WNT8B: variants seen among roughly 807,000 people sequenced by gnomAD.
WNT8B encodes the protein protein Wnt-8b.
A neutral mutation model predicts 36.6 loss-of-function variants in WNT8B; 24 were observed. The observed-to-expected ratio is 0.66, with a 90% CI of 0.48 to 0.92. The LOEUF (loss-of-function observed/expected upper bound fraction) is 0.92. Among genes scored for constraint, WNT8B ranks in the 40% least tolerant of loss-of-function variants. WNT8B has a pLI of 0.00. For missense variants in WNT8B, 402 were observed against 470.8 expected, an observed-to-expected ratio of 0.85 and a Z score of 1.35; for synonymous variants, 199 against 189.8, an observed-to-expected ratio of 1.05 and a Z score of -0.40.
chr10:100,478,848 G>T (rs902790791), intron 1 of WNT8B, among the ~76,000 whole-genome samples: 1 of 152,260 alleles, frequency 6.6e-6, no homozygotes, highest in African/African-American at 2.4e-5. Flanking sequence ...CTCCCAAAGT[G>T]CTGGGAATAC....
intron 4 of WNT8B, 109 bp downstream of exon 4, chr10:100,481,232 C>T (rs550547851): frequency 7.0e-6 from 10 of 1,434,428 alleles, no homozygotes; most frequent in Non-Finnish European, 9.3e-6. Context: ...TGAAGAAAAT[C>T]ATGCGGAAGA....
rs371227816 is a variant in WNT8B, at chr10:100,470,450, CA to C, written c.68+7217del. On this transcript the variant is annotated intron_variant, in intron 1 of 5. Coordinates refer to ENST00000343737, the MANE Select transcript of WNT8B (RefSeq NM_003393.4). The stretch of plus-strand genomic sequence containing the variant: ...CTCACTCTGTTGCCCAGGCTGGTTT[CA>C]AACTCCTGGGCTCAAGCAATCGGCC... 4.3e-4 allele frequency among the ~76,000 whole-genome samples: 65 copies of C among 152,010 alleles called. 2 individuals carry two copies. In the South Asian group the frequency reaches 0.013, roughly 31 times the overall value.
rs1414956638 is a variant in WNT8B, at chr10:100,482,419, T to C, written c.659T>C (p.Leu220Pro). 1 of 1,606,770 alleles carries C rather than the reference T, an allele frequency of 6.2e-7. No individual in the cohort carries two copies. Among genetic ancestry groups the C allele is most frequent in the African/African-American group, 1.3e-5 (1 of 74,944 alleles). ...EKYHAALKVD[L>P]LQGAGNSAAG... ...TACCACGCAGCACTCAAGGTGGACC[T>C]GCTGCAGGGTGCTGGCAACAGCGCG... The change falls in exon 6 of 6, where the codon CTG (leucine) becomes CCG (proline). Residue 220 changes from leucine (L) to proline (P), a missense_variant. Physicochemically the swap from Leu to Pro is moderately conservative, Grantham distance 98 (BLOSUM62 -3). This residue lies in a region of WNT8B where 256 missense variants were observed against 278.6 expected (regional missense o/e 0.92). Coordinates refer to ENST00000343737, the MANE Select transcript of WNT8B (RefSeq NM_003393.4). This position sits in a 1 kb window ranked among gnomAD's most constrained non-coding sequence, Gnocchi z 6.6.
chr10:100,478,961 T>C, intron 1 of WNT8B, 91 bp from the exon 2 acceptor site: 1 of 1,086,920 alleles, frequency 9.2e-7, no homozygotes, highest in Non-Finnish European at 1.3e-6. Flanking sequence ...ATTAATGACA[T>C]GTGCTGAAGT....
Position 100,482,637 on chromosome 10 carries a change from G to T in WNT8B, c.877G>T (p.Asp293Tyr), listed in dbSNP as rs780420171. Residue 293 changes from aspartate to tyrosine, a missense_variant, in exon 6 of 6, where the codon GAC becomes TAC. By Grantham distance (160) the Asp-to-Tyr change is radical (BLOSUM62 -3). Transcript: ENST00000343737. This position sits in a 1 kb window ranked among gnomAD's most constrained non-coding sequence, Gnocchi z 6.6. ...ERRSCRRLCG[D>Y]CGLAVEERRA... ...CCGCAGCTGCCGCCGGCTCTGCGGGGACTGCGGGCTGGCGGTGGAGGAGCG... is the reference window on the plus strand; with the variant it reads ...CCGCAGCTGCCGCCGGCTCTGCGGGTACTGCGGGCTGGCGGTGGAGGAGCG... The T allele has an allele frequency of 1.2e-6, 2 of 1,604,368 alleles. No individual in the cohort carries two copies. Among genetic ancestry groups the T allele is most frequent in the Non-Finnish European group, 1.7e-6 (2 of 1,178,222 alleles).
chr10:100,464,532 T>C (rs1850890279), intron 1 of WNT8B, among the ~76,000 whole-genome samples: 1 of 152,164 alleles, frequency 6.6e-6, no homozygotes, highest in African/African-American at 2.4e-5. Flanking sequence ...GTGTGAAGAA[T>C]TGTTCTATAA....
At chr10:100,477,458 C>A (rs530816757) in intron 1 of WNT8B, among the ~76,000 whole-genome samples, 21 of 152,002 alleles carry the variant, frequency 1.4e-4, no homozygotes, top group African/African-American at 3.9e-4. Context: ...CACCACCACG[C>A]CTGGCTAATT....
chr10:100,482,115 T>G lies in WNT8B; in HGVS notation c.510+61T>G. On this transcript the variant is annotated intron_variant, in intron 5 of 5. Transcript: ENST00000343737. The surrounding 1 kb of genome is among the most constrained non-coding windows in gnomAD (Gnocchi z 6.6). ...GGCTATATCCACTACCAGCTCCAGG[T>G]GCGGACAACTCTTCAGTTCATTTAA... 1.2e-6 allele frequency: 2 copies of G among 1,606,908 alleles called. No individual in the cohort carries two copies. The highest frequency in any genetic ancestry group is 1.7e-6 in the Non-Finnish European group (2 of 1,175,302).
chr10:100,473,130 G>A (rs1333465888), intron 1 of WNT8B, among the ~76,000 whole-genome samples: 1 of 152,126 alleles, frequency 6.6e-6, no homozygotes, highest in Non-Finnish European at 1.5e-5. Flanking sequence ...AGATAATTAA[G>A]GCAGCCCATA....
chr10:100,467,182 A>G lies in WNT8B; in HGVS notation c.68+3946A>G, dbSNP rs79464786. ...AAACTTTTATGGTTTGTTTTTCTCA[A>G]TCTTTATTGTAAGCCCCTGTTATTG... is the stretch of plus-strand genomic sequence containing the variant. On this transcript the variant is annotated intron_variant, in intron 1 of 5. Coordinates refer to ENST00000343737, the MANE Select transcript of WNT8B (RefSeq NM_003393.4). 2.6e-5 allele frequency among the ~76,000 whole-genome samples: 4 copies of G among 152,198 alleles called. No individual in the cohort carries two copies. The East Asian group carries it at 5.8e-4, about 22-fold the overall frequency.
At chr10:100,479,640 G>T (rs528825037) in intron 2 of WNT8B, among the ~76,000 whole-genome samples, 1 of 152,286 alleles carries the variant, frequency 6.6e-6, no homozygotes, top group African/African-American at 2.4e-5. Context: ...CCATTTGCTA[G>T]CTCTGGGACT....
intron 1 of WNT8B, among the ~76,000 whole-genome samples, chr10:100,471,694 G>A (rs183799860): frequency 1.3e-5 from 2 of 152,180 alleles, no homozygotes; most frequent in African/African-American, 4.8e-5. Context: ...GACTGCCTAG[G>A]CTCCAGCCCT....
At position 100,481,852 on chromosome 10, in the gene WNT8B, A is replaced by T; in HGVS notation, c.368-60A>T. 1.9e-6 allele frequency: 3 copies of T among 1,599,598 alleles called. No homozygotes were observed. The South Asian group carries it at 3.3e-5, about 18-fold the overall frequency. On this transcript the variant is annotated intron_variant, in intron 4 of 5. Transcript: ENST00000343737. ...CACCCCCAACCCAATTAGAAACAGC[A>T]GCCCAGGAGGCTCTGCGCCCGCTTG...
In WNT8B at chr10:100,480,023, C is replaced by T. The variant is rs373859494; in HGVS notation, c.241+11C>T. On this transcript the variant is annotated intron_variant, in intron 3 of 5. Transcript: ENST00000343737. ...GTGGGCTTCGCAGTGGTAAGAAAAA[C>T]CTCAGCCACAGCTCCCTGGACCCTC... The T allele has an allele frequency of 1.2e-6, 2 of 1,612,262 alleles. No homozygotes were observed. The highest frequency in any genetic ancestry group is 2.7e-5 in the African/African-American group (2 of 74,856).
intron 1 of WNT8B, 120 bp downstream of exon 1, chr10:100,463,356 G>A: frequency 2.2e-6 from 2 of 916,310 alleles, no homozygotes; most frequent in South Asian, 3.3e-5. Flanking sequence ...AGGAAAAACT[G>A]TTCTATGGGG....
At chr10:100,473,604 G>C (rs1035688219) in intron 1 of WNT8B, among the ~76,000 whole-genome samples, 1 of 152,120 alleles carries the variant, frequency 6.6e-6, no homozygotes, top group Non-Finnish European at 1.5e-5. Context: ...CTTGTATCCA[G>C]TACTTCATTC....
At chr10:100,475,574 C>T (rs11190576) in intron 1 of WNT8B, among the ~76,000 whole-genome samples, 8,568 of 152,206 alleles carry the variant, frequency 0.056, 805 homozygotes, top group African/African-American at 0.2. Context: ...CCTGTAGTTC[C>T]GGCTTAGACT....
chr10:100,476,117 C>A (rs1322252950), intron 1 of WNT8B, among the ~76,000 whole-genome samples: 1 of 151,486 alleles, frequency 6.6e-6, no homozygotes, highest in East Asian at 1.9e-4. Flanking sequence ...CAGTGAAACC[C>A]CATCTCTACT....
intron 1 of WNT8B, among the ~76,000 whole-genome samples, chr10:100,477,220 C>T (rs555388125): frequency 7.9e-5 from 12 of 152,102 alleles, no homozygotes; most frequent in Non-Finnish European, 1.6e-4. Context: ...CATGTATCAA[C>T]GTATCATTCC....
Sources: gnomAD v4.1 joint callset for allele counts (sites outside exome capture counted in the v4.1 genomes callset) on GRCh38, gnomAD v4.1.1 for gene constraint, gnomAD v4.1.1 regional missense constraint, Gnocchi (gnomAD v3.1) non-coding constraint, MANE v1.5 for transcripts, NCBI Gene and HGNC (gene_info 2026-07-23, HGNC 2026-07-21) for gene names.